The following C14orf39 variants were observed in gnomAD, a reference collection of about 807,000 sequenced individuals.
The protein encoded by C14orf39 is chromosome 14 open reading frame 39.
A neutral mutation model predicts 85.6 loss-of-function variants in C14orf39; 66 were observed. The ratio of observed to expected loss-of-function variants is 0.77; its 90% CI spans 0.63 to 0.95. The LOEUF (loss-of-function observed/expected upper bound fraction) is 0.95, where lower values mean the gene tolerates loss of function less well. C14orf39 is among the 40% of genes least tolerant of loss of function. The pLI is 0.00. For missense variants in C14orf39, 735 were observed against 663.9 expected (o/e 1.11, Z -1.18); for synonymous variants, 242 against 214.0 (o/e 1.13, Z -1.14).
upstream of C14orf39, among the ~76,000 whole-genome samples, chr14:60,486,671 T>C (rs1326671450): frequency 6.6e-6 from 1 of 152,212 alleles, no homozygotes; most frequent in Non-Finnish European, 1.5e-5. Context: ...CCAAAGTGCC[T>C]CAATCCTTTG....
At chr14:60,476,397 T>C (rs1213176967) in intron 5 of C14orf39, among the ~76,000 whole-genome samples, 1 of 152,212 alleles carries the variant, frequency 6.6e-6, no homozygotes, top group Non-Finnish European at 1.5e-5. Context: ...ATACTGTTTT[T>C]CATGAATGAC....
intron 16 of C14orf39, among the ~76,000 whole-genome samples, chr14:60,454,027 GAATT>G (rs1431498204): frequency 6.6e-6 from 1 of 151,716 alleles, no homozygotes; most frequent in African/African-American, 2.4e-5. Context: ...TTGTAAATGA[GAATT>G]AAGTAACTAT....
At chr14:60,467,691 T>C (rs936939666) in intron 9 of C14orf39, among the ~76,000 whole-genome samples, 3 of 151,788 alleles carry the variant, frequency 2.0e-5, no homozygotes, top group Non-Finnish European at 2.9e-5. Flanking sequence ...AAGACACACT[T>C]GCACTGAATG....
intron 5 of C14orf39, among the ~76,000 whole-genome samples, chr14:60,476,566 C>T (rs2140140584): frequency 1.3e-5 from 2 of 152,296 alleles, no homozygotes; most frequent in Middle Eastern, 3.4e-3. Flanking sequence ...AAGAAACAGA[C>T]AACTGTTTTC....
At chr14:60,509,229 T>A in intron 1 of C14orf39, 1 of 638,966 alleles carries the variant, frequency 1.6e-6, no homozygotes, top group East Asian at 2.8e-5. Flanking sequence ...CCTCCTCCAG[T>A]CGGGGTCGTC....
intron 2 of C14orf39, chr14:60,496,343 A>T (rs1893069638): frequency 2.8e-6 from 1 of 356,112 alleles, no homozygotes; most frequent in African/African-American, 2.1e-5. Context: ...TAGTGCCTGA[A>T]GAGTCACATT....
At chr14:60,488,571 T>A (rs1202442048), upstream of C14orf39, among the ~76,000 whole-genome samples, 1 of 152,190 alleles carries the variant, frequency 6.6e-6, no homozygotes, top group Non-Finnish European at 1.5e-5. Flanking sequence ...TGCCTCTTGA[T>A]CCATAATCAA....
chr14:60,495,579 AT>A, intron 2 of C14orf39: 1 of 230,132 alleles, frequency 4.3e-6, no homozygotes, highest in Non-Finnish European at 8.9e-6. Flanking sequence ...GCCTGCTCCC[AT>A]TTTGTCCTGG....
chr14:60,466,171 T>C (rs1891782028), intron 10 of C14orf39, 116 bp from the exon 11 acceptor site: 3 of 449,784 alleles, frequency 6.7e-6, no homozygotes, highest in Non-Finnish European at 1.2e-5. Context: ...AATTTTTAAT[T>C]TAAATTAAAA....
chr14:60,437,108 A>G, intron 17 of C14orf39, 61 bp from the exon 18 acceptor site: 2 of 1,091,838 alleles, frequency 1.8e-6, no homozygotes, highest in Non-Finnish European at 1.3e-6. Context: ...TTTATAACCT[A>G]CTGAATTATA....
At chr14:60,448,342 T>C (rs1890875644) in intron 16 of C14orf39, among the ~76,000 whole-genome samples, 1 of 151,530 alleles carries the variant, frequency 6.6e-6, no homozygotes, top group Non-Finnish European at 1.5e-5. Flanking sequence ...TAAACAAATT[T>C]ATAAGAAAAA....
At position 60,491,769 on chromosome 14, in the gene C14orf39, A is replaced by C. The variant is rs1323529822; in HGVS notation, c.-8-6683T>G. Among the ~76,000 whole-genome samples, 1 of 151,972 alleles carries C rather than the reference A, an allele frequency of 6.6e-6. No homozygotes were observed. Among genetic ancestry groups the C allele is most frequent in the Admixed American group, 6.6e-5 (1 of 15,250 alleles). On this transcript the variant is annotated intron_variant, in intron 2 of 5. Transcript: ENST00000556799. The surrounding 1 kb of genome is among the most constrained non-coding windows in gnomAD (Gnocchi z 4.5). ...TAGCCCTCTTGCCCATTCTCTCTCCATCCTGTGACAGAGCAATTCTTAAAT... is the reference window on the plus strand; with the variant it reads ...TAGCCCTCTTGCCCATTCTCTCTCCCTCCTGTGACAGAGCAATTCTTAAAT...
intron 2 of C14orf39, chr14:60,496,449 C>T: frequency 3.6e-6 from 1 of 279,072 alleles, no homozygotes; most frequent in Non-Finnish European, 7.2e-6. Flanking sequence ...GACTCTGCAT[C>T]CAGCTTCTCC....
At chr14:60,469,928 AGT>A (rs1891990501) in intron 7 of C14orf39, among the ~76,000 whole-genome samples, 1 of 93,202 alleles carries the variant, frequency 1.1e-5, no homozygotes, top group African/African-American at 3.2e-5. Flanking sequence ...TTCACAGGGT[AGT>A]TTTTTTTTTT....
At chr14:60,438,629 T>C (rs1417239833) in intron 17 of C14orf39, among the ~76,000 whole-genome samples, 2 of 152,064 alleles carry the variant, frequency 1.3e-5, no homozygotes, top group East Asian at 3.9e-4. Context: ...TTTATATCTA[T>C]TTATAAATAA....
At chr14:60,457,918 T>C (rs1233559057) in intron 14 of C14orf39, among the ~76,000 whole-genome samples, 1 of 152,028 alleles carries the variant, frequency 6.6e-6, no homozygotes, top group Non-Finnish European at 1.5e-5. Context: ...TCAATCATTA[T>C]TTAGTTATAG....
rs556021919 is a variant in C14orf39, at chr14:60,502,591, G to GA, written c.-143-3162dup. 1.2e-4 allele frequency among the ~76,000 whole-genome samples: 19 copies of GA among 152,116 alleles called. No homozygotes were observed. In the East Asian group the frequency reaches 2.5e-3, roughly 20 times the overall value. ...TAATAACAGATAAAACACTAAAACA[G>GA]AAAAAAAGATTAAAATTTCATAGTT... On this transcript the variant is annotated intron_variant, in intron 1 of 5. Transcript: ENST00000556799.
At chr14:60,476,222 C>G (rs960575369) in intron 5 of C14orf39, among the ~76,000 whole-genome samples, 5 of 152,134 alleles carry the variant, frequency 3.3e-5, no homozygotes. Flanking sequence ...GAAAATTAAG[C>G]CTGGGTCACC....
chr14:60,461,633 A>G (rs1891541045), intron 11 of C14orf39, 40 bp from the exon 12 acceptor site: 7 of 1,368,548 alleles, frequency 5.1e-6, no homozygotes, highest in East Asian at 2.4e-5. Context: ...GGCTACACAA[A>G]GCAATAAAAA....
Sources: allele counts gnomAD v4.1 joint callset (sites outside exome capture counted in the v4.1 genomes callset), GRCh38; gene constraint gnomAD v4.1.1; non-coding constraint Gnocchi (gnomAD v3.1); transcripts MANE v1.5; gene names NCBI Gene and HGNC (gene_info 2026-07-23, HGNC 2026-07-21).